The following NCOA3 variants were observed in gnomAD, a reference collection of about 807,000 sequenced individuals.
NCOA3 encodes the protein nuclear receptor coactivator 3, also known as CBP-interacting protein.
Under a neutral mutation model 158.8 loss-of-function variants are expected in NCOA3, and 51 were observed. That is an observed-to-expected ratio of 0.32 (90% CI 0.26 to 0.41). The LOEUF is 0.41. Ranked by LOEUF, NCOA3 falls within the 10% of genes least tolerant of loss-of-function variation. The probability of loss-of-function intolerance (pLI) is 1.00; values close to 1 mark genes in which losing one functional copy is unlikely to be tolerated. For missense variants in NCOA3, 1,510 were observed against 1,746.6 expected, an observed-to-expected ratio of 0.86 and a Z score of 2.41; for synonymous variants, 537 against 592.4, an observed-to-expected ratio of 0.91 and a Z score of 1.36.
chr20:47,570,228 C>T (rs2085269903), intron 1 of NCOA3, among the ~76,000 whole-genome samples: 1 of 152,016 alleles, frequency 6.6e-6, no homozygotes, highest in African/African-American at 2.4e-5. Flanking sequence ...ATTGCTTGAG[C>T]CCAGGACTTT....
chr20:47,522,406 C>CTTTTTTTTTTTTTTTTTTT (rs3091963), intron 1 of NCOA3, among the ~76,000 whole-genome samples: 3 of 128,164 alleles, frequency 2.3e-5, no homozygotes, highest in African/African-American at 8.9e-5. Context: ...GCGCCCGGCC[C>CTTTTTTTTTTTTTTTTTTT]TTTTTTTTTT....
intron 2 of NCOA3, among the ~76,000 whole-genome samples, chr20:47,603,838 C>T (rs867604564): frequency 4.6e-5 from 7 of 151,962 alleles, no homozygotes; most frequent in Admixed American, 6.6e-5. Context: ...CTTGTGGAGC[C>T]GGGGGCTTGG....
At chr20:47,541,831 A>G (rs1221826915) in intron 1 of NCOA3, among the ~76,000 whole-genome samples, 1 of 151,074 alleles carries the variant, frequency 6.6e-6, no homozygotes, top group Non-Finnish European at 1.5e-5. Flanking sequence ...AGTAGCATCA[A>G]ATACACAGTC....
chr20:47,508,143 A>G (rs1301369395), intron 1 of NCOA3, among the ~76,000 whole-genome samples: 4 of 152,220 alleles, frequency 2.6e-5, no homozygotes, highest in African/African-American at 9.6e-5. Context: ...ATTTATATAC[A>G]TATAAGAAAA....
chr20:47,622,207 A>G, intron 2 of NCOA3, 22 bp from the exon 3 acceptor site: 2 of 1,295,560 alleles, frequency 1.5e-6, no homozygotes, highest in Non-Finnish European at 2.2e-6. Context: ...TACTTATCTT[A>G]TTTCTCATTA....
At chr20:47,601,030 T>C (rs1334053108) in intron 2 of NCOA3, among the ~76,000 whole-genome samples, 2 of 152,222 alleles carry the variant, frequency 1.3e-5, no homozygotes, top group African/African-American at 2.4e-5. Flanking sequence ...TCTAGTGTTC[T>C]GGTCTTCTAG....
At chr20:47,532,932 C>T (rs1240171962) in intron 1 of NCOA3, among the ~76,000 whole-genome samples, 1 of 151,340 alleles carries the variant, frequency 6.6e-6, no homozygotes, top group South Asian at 2.1e-4. Context: ...GGTGAAACCC[C>T]GTCTGTACTA....
intron 18 of NCOA3, 39 bp downstream of exon 18, chr20:47,647,405 T>G: frequency 6.3e-7 from 1 of 1,582,856 alleles, no homozygotes; most frequent in South Asian, 1.2e-5. Flanking sequence ...CTTCTCCTTC[T>G]GTTGTTTTCA....
chr20:47,603,325 C>T (rs59952410), intron 2 of NCOA3, among the ~76,000 whole-genome samples: 1,816 of 152,362 alleles, frequency 0.012, 40 homozygotes, highest in African/African-American at 0.042. Flanking sequence ...GGCTGTGGCT[C>T]ATCTGTTCCG....
At chr20:47,635,270 C>T (rs1602520591) in intron 10 of NCOA3, 52 bp from the exon 11 acceptor site, 4 of 1,492,372 alleles carry the variant, frequency 2.7e-6, no homozygotes, top group Non-Finnish European at 3.6e-6. Flanking sequence ...TGATTAAAAG[C>T]TTTCATGCAT....
intron 2 of NCOA3, among the ~76,000 whole-genome samples, chr20:47,607,294 A>C (rs1568721616): frequency 6.6e-6 from 1 of 152,194 alleles, no homozygotes; most frequent in Non-Finnish European, 1.5e-5. Flanking sequence ...TTTGTAAGGG[A>C]AAATTTATAT....
At chr20:47,512,601 T>C (rs970331507) in intron 1 of NCOA3, among the ~76,000 whole-genome samples, 18 of 146,154 alleles carry the variant, frequency 1.2e-4, no homozygotes, top group Non-Finnish European at 2.5e-4. Context: ...ACAAAAGATA[T>C]ATACAGAGAC....
intron 20 of NCOA3, among the ~76,000 whole-genome samples, chr20:47,651,844 T>C (rs2086799419): frequency 6.6e-6 from 1 of 151,866 alleles, no homozygotes; most frequent in Admixed American, 6.6e-5. Flanking sequence ...TTTTTTAAAT[T>C]TTTAATAGAG....
intron 1 of NCOA3, among the ~76,000 whole-genome samples, chr20:47,547,189 G>A (rs3092608): frequency 0.57 from 85,807 of 151,864 alleles, 24,685 homozygotes; most frequent in Middle Eastern, 0.69. Flanking sequence ...CACTTAGGTA[G>A]GTGTCTGGCA....
chr20:47,628,454 C>T (rs2086360879), intron 8 of NCOA3: 2 of 155,878 alleles, frequency 1.3e-5, no homozygotes, highest in South Asian at 3.8e-4. Context: ...CTCTGTTGCC[C>T]AGGCTGGAGT....
Position 47,653,051 on chromosome 20 carries a change from C to G in NCOA3, c.4242C>G (p.Gly1414=). 6.2e-7 allele frequency: 1 copy of G among 1,614,208 alleles called. No individual in the cohort carries two copies. Among genetic ancestry groups the G allele is most frequent in the Non-Finnish European group, 8.5e-7 (1 of 1,180,032 alleles). The change falls in exon 22 of 23, where the codon GGC becomes GGG. Residue 1414 remains glycine, a synonymous_variant. Coordinates refer to ENST00000371998, the MANE Select transcript of NCOA3 (RefSeq NM_181659.3). ...QMNMNPMPMS[G]MPMGPDQKYC is the part of the protein sequence containing the mutation. ...ACATGAACCCCATGCCCATGTCTGG[C>G]ATGCCTATGGGTCCTGATCAGGTAT...
chr20:47,540,685 T>C (rs1295679603), intron 1 of NCOA3, among the ~76,000 whole-genome samples: 1 of 152,144 alleles, frequency 6.6e-6, no homozygotes, highest in Admixed American at 6.5e-5. Flanking sequence ...TCAAGGAATT[T>C]ATAGTCTGTT....
intron 1 of NCOA3, among the ~76,000 whole-genome samples, chr20:47,521,243 G>C (rs2084327698): frequency 6.6e-6 from 1 of 152,212 alleles, no homozygotes; most frequent in South Asian, 2.1e-4. Context: ...TCACAAGAGA[G>C]AACCAGAGAC....
intron 1 of NCOA3, among the ~76,000 whole-genome samples, chr20:47,529,014 G>T (rs747608546): frequency 2.0e-5 from 3 of 151,490 alleles, no homozygotes; most frequent in Non-Finnish European, 4.4e-5. Context: ...TGATCCACCC[G>T]CCTTGGCCTC....
Sources: gnomAD v4.1 joint callset for allele counts (sites outside exome capture counted in the v4.1 genomes callset) on GRCh38, gnomAD v4.1.1 for gene constraint, MANE v1.5 for transcripts, NCBI Gene and HGNC (gene_info 2026-07-23, HGNC 2026-07-21) for gene names.